The following RALGPS2 variants were observed in gnomAD, a reference collection of about 807,000 sequenced individuals.
RALGPS2 encodes ras-specific guanine nucleotide-releasing factor RalGPS2.
Under a neutral mutation model 86.8 loss-of-function variants are expected in RALGPS2, and 43 were observed. The observed-to-expected ratio is 0.50, with a 90% confidence interval of 0.39 to 0.64. The LOEUF is 0.64. RALGPS2 is among the 30% of genes least tolerant of loss of function. RALGPS2 has a pLI of 0.00. For missense variants in RALGPS2, 536 were observed against 694.6 expected (o/e 0.77, Z 2.57); for synonymous variants, 243 against 231.3 (o/e 1.05, Z -0.46).
intron 7 of RALGPS2, among the ~76,000 whole-genome samples, chr1:178,832,992 G>A (rs1278847513): frequency 6.6e-6 from 1 of 151,920 alleles, no homozygotes; most frequent in Non-Finnish European, 1.5e-5. Context: ...GATTTATCAA[G>A]AAAAAGTGTT....
chr1:178,810,889 CAT>C, intron 5 of RALGPS2, among the ~76,000 whole-genome samples: 1 of 151,956 alleles, frequency 6.6e-6, no homozygotes, highest in East Asian at 1.9e-4. Flanking sequence ...ATTACATGGA[CAT>C]ATTGTATCAT....
At chr1:178,777,072 G>A (rs1370336228) in intron 2 of RALGPS2, among the ~76,000 whole-genome samples, 2 of 150,562 alleles carry the variant, frequency 1.3e-5, no homozygotes, top group African/African-American at 2.4e-5. Flanking sequence ...TCTAGCATTA[G>A]GTATATCTCC....
chr1:178,863,312 CAG>C (rs1658159658), intron 8 of RALGPS2, among the ~76,000 whole-genome samples: 2 of 152,154 alleles, frequency 1.3e-5, no homozygotes, highest in African/African-American at 2.4e-5. Context: ...TTAATCAAAA[CAG>C]AGATGTTGAG....
At chr1:178,788,519 G>T (rs1653779248) in intron 4 of RALGPS2, among the ~76,000 whole-genome samples, 1 of 152,170 alleles carries the variant, frequency 6.6e-6, no homozygotes. Context: ...CTGAGAAGAT[G>T]ACATCTGCAT....
intron 1 of RALGPS2, among the ~76,000 whole-genome samples, chr1:178,737,466 T>G (rs903716665): frequency 2.6e-5 from 4 of 152,206 alleles, no homozygotes; most frequent in African/African-American, 9.6e-5. Context: ...CAGGCTGGTC[T>G]TGAACTCCTG....
intron 1 of RALGPS2, among the ~76,000 whole-genome samples, chr1:178,748,850 C>CA (rs568753748): frequency 0.33 from 32,296 of 97,206 alleles, 4,062 homozygotes; most frequent in East Asian, 0.39. Flanking sequence ...GACTCTGTCT[C>CA]AAAAAAAAAA....
intron 8 of RALGPS2, among the ~76,000 whole-genome samples, chr1:178,843,274 C>A: frequency 7.7e-6 from 1 of 129,542 alleles, no homozygotes; most frequent in African/African-American, 3.1e-5. Flanking sequence ...CAATGATAGA[C>A]TGGATTAAGA....
intron 1 of RALGPS2, among the ~76,000 whole-genome samples, chr1:178,775,429 C>A (rs1249338523): frequency 6.6e-6 from 1 of 152,082 alleles, no homozygotes; most frequent in Non-Finnish European, 1.5e-5. Flanking sequence ...TAGACACTTA[C>A]CATTTCTCTT....
intron 19 of RALGPS2, among the ~76,000 whole-genome samples, chr1:178,911,332 T>A (rs1660614354): frequency 6.6e-6 from 1 of 152,144 alleles, no homozygotes; most frequent in East Asian, 1.9e-4. Flanking sequence ...TTTTTCTAGT[T>A]CCTCAAGGTA....
chr1:178,852,811 C>T (rs374600280), intron 8 of RALGPS2: 31 of 1,613,776 alleles, frequency 1.9e-5, no homozygotes, highest in Middle Eastern at 1.6e-4. Context: ...AGGTTCCAGA[C>T]GAAAGCTGCT....
At chr1:178,741,572 T>A (rs1476793469) in intron 1 of RALGPS2, among the ~76,000 whole-genome samples, 6 of 152,204 alleles carry the variant, frequency 3.9e-5, no homozygotes, top group Non-Finnish European at 1.5e-5. Flanking sequence ...GTTCCTGTAC[T>A]GTACATGAAG....
intron 7 of RALGPS2, among the ~76,000 whole-genome samples, chr1:178,823,241 T>A (rs1007646705): frequency 1.3e-5 from 2 of 152,264 alleles, no homozygotes; most frequent in Non-Finnish European, 2.9e-5. Context: ...AATAATAATT[T>A]TTATTTGGTA....
intron 1 of RALGPS2, among the ~76,000 whole-genome samples, chr1:178,766,614 GCCATTAGCCTGATGGGGTT>G (rs1652521036): frequency 6.6e-6 from 1 of 152,158 alleles, no homozygotes; most frequent in Non-Finnish European, 1.5e-5. Context: ...TCAAAGTACA[GCCATTAGCCTGATGGGGTT>G]CCCTTTTTAG....
intron 8 of RALGPS2, among the ~76,000 whole-genome samples, chr1:178,860,353 T>C (rs1657916836): frequency 6.6e-6 from 1 of 152,304 alleles, no homozygotes; most frequent in East Asian, 1.9e-4. Flanking sequence ...CTAAATACTA[T>C]TTTTTATAAC....
At chr1:178,731,975 G>A (rs1350090408) in intron 1 of RALGPS2, among the ~76,000 whole-genome samples, 1 of 152,094 alleles carries the variant, frequency 6.6e-6, no homozygotes, top group Non-Finnish European at 1.5e-5. Flanking sequence ...AGAAGGATTA[G>A]CCTTTGCTTC....
chr1:178,865,317 G>A, intron 8 of RALGPS2: 1 of 1,614,010 alleles, frequency 6.2e-7, no homozygotes, highest in Non-Finnish European at 8.5e-7. Context: ...TTGTTTTCCA[G>A]TTGGGAAAGT....
At chr1:178,785,663 A>T in intron 4 of RALGPS2, 56 bp downstream of exon 4, 1 of 1,518,078 alleles carries the variant, frequency 6.6e-7, no homozygotes. Context: ...ATCTCAAATT[A>T]AGTGTTTTAG....
chr1:178,807,940 G>T (rs1475937590), intron 4 of RALGPS2, 105 bp from the exon 5 acceptor site: 41 of 757,282 alleles, frequency 5.4e-5, no homozygotes, highest in Non-Finnish European at 8.9e-5. Context: ...TAAATAAAGT[G>T]ATTCTAGAAA....
At chr1:178,895,502 G>A (rs1659901546) in intron 16 of RALGPS2, among the ~76,000 whole-genome samples, 1 of 152,040 alleles carries the variant, frequency 6.6e-6, no homozygotes, top group Non-Finnish European at 1.5e-5. Context: ...CAGAATGATG[G>A]GGCAAGGAGG....
Sources: gnomAD v4.1 joint callset for allele counts (sites outside exome capture counted in the v4.1 genomes callset) on GRCh38, gnomAD v4.1.1 for gene constraint, MANE v1.5 for transcripts, NCBI Gene and HGNC (gene_info 2026-07-23, HGNC 2026-07-21) for gene names.